Variants in KIF16B observed in about 807,000 individuals in gnomAD.
KIF16B encodes the protein kinesin-like protein KIF16B.
KIF16B carries 98 observed loss-of-function variants against 156.3 expected under a neutral mutation model. The ratio of observed to expected loss-of-function variants is 0.63; its 90% confidence interval spans 0.53 to 0.74. The LOEUF is 0.74. KIF16B is among the 30% of genes least tolerant of loss of function. The pLI is 0.00. For synonymous variants in KIF16B, 564 were observed against 583.7 expected, an observed-to-expected ratio of 0.97 and a Z score of 0.49; for missense variants, 1,421 against 1,606.5, an observed-to-expected ratio of 0.88 and a Z score of 1.97.
intron 1 of KIF16B, among the ~76,000 whole-genome samples, chr20:16,533,454 C>T (rs1600644295): frequency 6.6e-6 from 1 of 152,312 alleles, no homozygotes; most frequent in East Asian, 1.9e-4. Context: ...TGATGCTGTA[C>T]TTAATATGAC....
chr20:16,432,768 A>C (rs1408627050), intron 12 of KIF16B, among the ~76,000 whole-genome samples: 4 of 152,226 alleles, frequency 2.6e-5, no homozygotes, highest in Non-Finnish European at 5.9e-5. Context: ...GCTTAAAAAA[A>C]TAAAAATAAA....
intron 17 of KIF16B, among the ~76,000 whole-genome samples, chr20:16,401,164 T>C (rs2065647433): frequency 6.6e-6 from 1 of 152,130 alleles, no homozygotes; most frequent in African/African-American, 2.4e-5. Context: ...AGAGAGAAAA[T>C]GTGTACTTGA....
At position 16,507,954 on chromosome 20, in the gene KIF16B, T is replaced by TTA. The variant is rs1179107679; in HGVS notation, c.699+2_699+3dup. 6.2e-7 allele frequency: 1 copy of TTA among 1,614,098 alleles called. No homozygotes were observed. The highest frequency in any genetic ancestry group is 8.5e-7 in the Non-Finnish European group (1 of 1,179,980). On this transcript the variant is annotated splice_donor_region_variant and intron_variant, in intron 7 of 25. Transcript: ENST00000354981. ...GAGCCAGCTGGTCCCGCAGCAGCCC[T>TTA]TACCTGAGTGAACTTGATGGTGAAG...
At chr20:16,273,516 C>A (rs2063013364) in intron 25 of KIF16B, 105 bp from the exon 26 acceptor site, 1 of 837,734 alleles carries the variant, frequency 1.2e-6, no homozygotes, top group Non-Finnish European at 1.9e-6. Context: ...CATGGAGAAA[C>A]CTCATCTCTA....
In KIF16B at chr20:16,460,674, A is replaced by C. The variant is rs78888139; in HGVS notation, c.1303-30692T>G. 4.1e-3 allele frequency among the ~76,000 whole-genome samples: 618 copies of C among 152,318 alleles called. 3 individuals carry two copies. Among genetic ancestry groups the C allele is most frequent in the African/African-American group, 0.014 (580 of 41,580 alleles). On this transcript the variant is annotated intron_variant, in intron 12 of 25. Coordinates refer to ENST00000354981, the MANE Select transcript of KIF16B (RefSeq NM_024704.5). The stretch of plus-strand genomic sequence containing the variant: ...CTCCATTCATCCAATAGATAAATCA[A>C]AATGAAGATGAAGAATGGAGGAACC...
intron 2 of KIF16B, among the ~76,000 whole-genome samples, chr20:16,527,509 T>C (rs1002503744): frequency 1.2e-4 from 18 of 152,342 alleles, no homozygotes; most frequent in African/African-American, 4.3e-4. Flanking sequence ...TAAAAGTTAA[T>C]GACAAATATC....
intron 1 of KIF16B, among the ~76,000 whole-genome samples, chr20:16,564,203 C>G (rs6075071): frequency 6.6e-6 from 1 of 152,076 alleles, no homozygotes; most frequent in Non-Finnish European, 1.5e-5. Context: ...GGAGTCCTTG[C>G]GGTAATTTGC....
At chr20:16,507,523 G>A (rs763808634) in intron 7 of KIF16B, among the ~76,000 whole-genome samples, 43 of 152,128 alleles carry the variant, frequency 2.8e-4, no homozygotes, top group Non-Finnish European at 4.4e-4. Context: ...AATATTCGCT[G>A]CCCTTTAATA....
At chr20:16,398,118 C>A (rs553748028) in intron 17 of KIF16B, among the ~76,000 whole-genome samples, 1 of 152,292 alleles carries the variant, frequency 6.6e-6, no homozygotes, top group African/African-American at 2.4e-5. Flanking sequence ...TTAGCTCCAA[C>A]TGGAAATGCA....
At chr20:16,356,844 A>G (rs1253731515) in intron 22 of KIF16B, among the ~76,000 whole-genome samples, 1 of 152,240 alleles carries the variant, frequency 6.6e-6, no homozygotes, top group African/African-American at 2.4e-5. Flanking sequence ...TTCACACACT[A>G]TCAGACAGCT....
At chr20:16,346,619 C>T (rs1409614268) in intron 23 of KIF16B, among the ~76,000 whole-genome samples, 4 of 152,174 alleles carry the variant, frequency 2.6e-5, no homozygotes, top group African/African-American at 7.2e-5. Context: ...AATGACTTCC[C>T]GATGCTTTAA....
intron 12 of KIF16B, among the ~76,000 whole-genome samples, chr20:16,457,766 C>G (rs1028979433): frequency 6.6e-6 from 1 of 152,004 alleles, no homozygotes; most frequent in Non-Finnish European, 1.5e-5. Context: ...AAGGAGCTCC[C>G]CCTTGACATC....
intron 12 of KIF16B, among the ~76,000 whole-genome samples, chr20:16,483,425 C>T (rs2068033343): frequency 6.6e-6 from 1 of 152,184 alleles, no homozygotes; most frequent in South Asian, 2.1e-4. Context: ...TATAAAACTA[C>T]ATACCTTAAA....
At chr20:16,441,036 C>T (rs2066785859) in intron 12 of KIF16B, among the ~76,000 whole-genome samples, 1 of 152,154 alleles carries the variant, frequency 6.6e-6, no homozygotes, top group Non-Finnish European at 1.5e-5. Flanking sequence ...TTAAGTAGAG[C>T]AGCATCTTCT....
At chr20:16,297,801 A>AT (rs2063413198) in intron 25 of KIF16B, among the ~76,000 whole-genome samples, 1 of 151,576 alleles carries the variant, frequency 6.6e-6, no homozygotes, top group African/African-American at 2.4e-5. Context: ...AGCCATACTG[A>AT]TTCTATCTCA....
In KIF16B at chr20:16,311,334, T is replaced by C. The variant is rs574686271; in HGVS notation, c.3795+1001A>G. On this transcript the variant is annotated intron_variant, in intron 25 of 25. Transcript: ENST00000354981. Reference sequence around the variant, plus strand: ...TGAAACCCCGTCTCTACTAAAAATATAAAAATTAGCTGGGCATGGTGGTGC... The same window carrying C: ...TGAAACCCCGTCTCTACTAAAAATACAAAAATTAGCTGGGCATGGTGGTGC... Among the ~76,000 whole-genome samples the C allele has an allele frequency of 3.5e-4, 53 of 151,972 alleles. No homozygotes were observed. In the South Asian group the frequency reaches 6.7e-3, roughly 19 times the overall value.
intron 17 of KIF16B, among the ~76,000 whole-genome samples, chr20:16,394,838 A>G (rs1344935162): frequency 6.6e-6 from 1 of 152,124 alleles, no homozygotes; most frequent in African/African-American, 2.4e-5. Flanking sequence ...CGCAGTGGGG[A>G]CCATGACCTC....
intron 12 of KIF16B, among the ~76,000 whole-genome samples, chr20:16,488,298 T>C (rs2068184704): frequency 1.3e-5 from 2 of 152,220 alleles, no homozygotes; most frequent in Non-Finnish European, 2.9e-5. Context: ...CCGCACCATC[T>C]GTCAAAGGGC....
chr20:16,341,972 C>T lies in KIF16B; in HGVS notation c.3622-5957G>A, dbSNP rs375773649. On this transcript the variant is annotated intron_variant, in intron 23 of 25. Coordinates refer to ENST00000354981, the MANE Select transcript of KIF16B (RefSeq NM_024704.5). ...GAAATATAGTATATTCGTAGGTCTTCTGAAGGGTCTTCTGAACGGCCTCCT... is the reference window on the plus strand; with the variant it reads ...GAAATATAGTATATTCGTAGGTCTTTTGAAGGGTCTTCTGAACGGCCTCCT... 6.3e-4 allele frequency among the ~76,000 whole-genome samples: 96 copies of T among 152,306 alleles called. 2 individuals carry two copies. In the South Asian group the frequency reaches 0.017, roughly 27 times the overall value.
Sources: gnomAD v4.1 joint callset for allele counts (sites outside exome capture counted in the v4.1 genomes callset) on GRCh38, gnomAD v4.1.1 for gene constraint, MANE v1.5 for transcripts, NCBI Gene and HGNC (gene_info 2026-07-23, HGNC 2026-07-21) for gene names.